CNTNAP5: variants seen among roughly 807,000 people sequenced by gnomAD.
CNTNAP5 encodes the protein contactin-associated protein-like 5.
A neutral mutation model predicts 150.2 loss-of-function variants in CNTNAP5; 72 were observed. The observed-to-expected ratio is 0.48, with a 90% confidence interval of 0.40 to 0.58. CNTNAP5 has a LOEUF of 0.58. Ranked by LOEUF, CNTNAP5 falls within the 20% of genes least tolerant of loss-of-function variation. The probability of loss-of-function intolerance (pLI) is 0.00; values close to 1 mark genes in which losing one functional copy is unlikely to be tolerated. For synonymous variants in CNTNAP5, 672 were observed against 619.8 expected (o/e 1.08, Z -1.25); for missense variants, 1,636 against 1,626.2 (o/e 1.01, Z -0.10).
chr2:124,051,186 T>C (rs1035991221), intron 1 of CNTNAP5, among the ~76,000 whole-genome samples: 1 of 150,274 alleles, frequency 6.7e-6, no homozygotes, highest in Non-Finnish European at 1.5e-5. Context: ...TAGTTTTCTT[T>C]CCATCTCTTT....
chr2:124,297,305 T>A (rs1688458964), intron 3 of CNTNAP5, among the ~76,000 whole-genome samples: 1 of 152,220 alleles, frequency 6.6e-6, no homozygotes. Context: ...TCGGAAGTTT[T>A]GACTTCCGTC....
intron 19 of CNTNAP5, among the ~76,000 whole-genome samples, chr2:124,801,460 T>G (rs1681963960): frequency 6.6e-6 from 1 of 152,186 alleles, no homozygotes; most frequent in African/African-American, 2.4e-5. Flanking sequence ...CCTTGAGTGG[T>G]AGTGAATTCT....
intron 3 of CNTNAP5, among the ~76,000 whole-genome samples, chr2:124,400,674 T>G (rs1691390039): frequency 1.1e-5 from 1 of 91,458 alleles, no homozygotes; most frequent in Non-Finnish European, 2.9e-5. Flanking sequence ...GCATTGTTTT[T>G]TTTTTTTTTT....
chr2:124,350,503 C>T (rs1438346989), intron 3 of CNTNAP5, among the ~76,000 whole-genome samples: 1 of 151,234 alleles, frequency 6.6e-6, no homozygotes, highest in African/African-American at 2.4e-5. Context: ...TACGCCTTCA[C>T]ATTCGTACTA....
intron 1 of CNTNAP5, among the ~76,000 whole-genome samples, chr2:124,043,964 C>G (rs1185898337): frequency 1.3e-5 from 2 of 152,142 alleles, no homozygotes. Context: ...CCCCATGGGC[C>G]AGTTCTTGTC....
intron 1 of CNTNAP5, among the ~76,000 whole-genome samples, chr2:124,213,074 G>T (rs903465330): frequency 2.0e-5 from 3 of 151,926 alleles, no homozygotes; most frequent in African/African-American, 7.3e-5. Context: ...TCCCAACCTC[G>T]TGATCCGCCT....
chr2:124,221,728 T>A lies in CNTNAP5; in HGVS notation c.106T>A (p.Ser36Thr), dbSNP rs1282646432. The part of the protein sequence containing the change: ...TNYNCDDPLA[S>T]LLSPMAFSSS... ...AGACAACTGTGATGATCCACTAGCA[T>A]CCCTGCTCTCTCCAATGGCTTTTTC... is the stretch of plus-strand genomic sequence containing the variant. Residue 36 changes from serine (S) to threonine (T), a missense_variant, in exon 2 of 24, where the codon TCC (serine) becomes ACC (threonine). Transcript: ENST00000682447. 6.2e-7 allele frequency: 1 copy of A among 1,611,146 alleles called. No homozygotes were observed. Among genetic ancestry groups the A allele is most frequent in the Non-Finnish European group, 8.5e-7 (1 of 1,178,366 alleles).
At chr2:124,297,270 G>A (rs1276939109) in intron 3 of CNTNAP5, among the ~76,000 whole-genome samples, 1 of 152,134 alleles carries the variant, frequency 6.6e-6, no homozygotes, top group East Asian at 1.9e-4. Flanking sequence ...GGTTCTCCGT[G>A]CCGGTAACCA....
At position 124,410,860 on chromosome 2, in the gene CNTNAP5, G is replaced by A. The variant is rs866053007; in HGVS notation, c.382-6583G>A. 9.6e-3 allele frequency among the ~76,000 whole-genome samples: 1,444 copies of A among 149,870 alleles called. 14 individuals are homozygous for A. Among genetic ancestry groups the A allele is most frequent in the Middle Eastern group, 0.024 (7 of 288 alleles). On this transcript the variant is annotated intron_variant, in intron 3 of 23. Transcript: ENST00000682447. ...CAAACACATTCAAAAGCTAGCAGAAGGCAAGAAATAACTAAAATCAGAGCA... is the reference window on the plus strand; with the variant it reads ...CAAACACATTCAAAAGCTAGCAGAAAGCAAGAAATAACTAAAATCAGAGCA...
chr2:124,038,917 C>G (rs1681293072), intron 1 of CNTNAP5, among the ~76,000 whole-genome samples: 1 of 152,240 alleles, frequency 6.6e-6, no homozygotes, highest in African/African-American at 2.4e-5. Flanking sequence ...CAGAGCCACA[C>G]TGGGTGTGCC....
chr2:124,904,791 C>T (rs894809204), intron 22 of CNTNAP5, among the ~76,000 whole-genome samples: 4 of 151,762 alleles, frequency 2.6e-5, no homozygotes, highest in African/African-American at 9.7e-5. Flanking sequence ...AACATAAGGA[C>T]AGATCTCCTT....
At chr2:124,725,755 C>CTCTCTGCT (rs775845131) in intron 13 of CNTNAP5, among the ~76,000 whole-genome samples, 45 of 152,092 alleles carry the variant, frequency 3.0e-4, no homozygotes, top group Non-Finnish European at 5.4e-4. Context: ...TACCATTCTA[C>CTCTCTGCT]TCTCTGCTTC....
intron 7 of CNTNAP5, among the ~76,000 whole-genome samples, chr2:124,498,391 G>T (rs543485194): frequency 2.0e-5 from 3 of 152,278 alleles, no homozygotes; most frequent in South Asian, 4.1e-4. Flanking sequence ...TTTCTGGGGA[G>T]GGGGAGGGAA....
intron 1 of CNTNAP5, among the ~76,000 whole-genome samples, chr2:124,053,510 A>G (rs1006839012): frequency 6.6e-6 from 1 of 152,228 alleles, no homozygotes; most frequent in Admixed American, 6.5e-5. Flanking sequence ...CCTGGCTTAA[A>G]TTGGAGTTTT....
At chr2:124,033,683 G>T (rs1681125862) in intron 1 of CNTNAP5, among the ~76,000 whole-genome samples, 1 of 82 alleles carries the variant, frequency 0.012, no homozygotes, top group Middle Eastern at 0.5. Flanking sequence ...CCAGACATGG[G>T]CCTGGTGCCA....
intron 13 of CNTNAP5, among the ~76,000 whole-genome samples, chr2:124,711,959 C>T (rs1163557107): frequency 1.3e-5 from 2 of 152,156 alleles, no homozygotes; most frequent in Admixed American, 1.3e-4. Context: ...ACCCTAGACA[C>T]GTGCAGAAGA....
At chr2:124,126,135 T>G (rs984141459) in intron 1 of CNTNAP5, among the ~76,000 whole-genome samples, 1 of 152,112 alleles carries the variant, frequency 6.6e-6, no homozygotes, top group Non-Finnish European at 1.5e-5. Context: ...AGCTGGTTTT[T>G]TGAAAAGATC....
chr2:124,780,938 A>G (rs985160525), intron 17 of CNTNAP5, among the ~76,000 whole-genome samples: 3 of 152,206 alleles, frequency 2.0e-5, no homozygotes, highest in Non-Finnish European at 4.4e-5. Flanking sequence ...AGCAGAATTT[A>G]TTCTTCATTC....
intron 11 of CNTNAP5, among the ~76,000 whole-genome samples, chr2:124,592,184 T>C (rs551749531): frequency 8.5e-5 from 13 of 152,262 alleles, no homozygotes; most frequent in South Asian, 6.2e-4. Flanking sequence ...TAAAAAAATA[T>C]GGAAACATCT....
Sources: gnomAD v4.1 joint callset for allele counts (sites outside exome capture counted in the v4.1 genomes callset) on GRCh38, gnomAD v4.1.1 for gene constraint, MANE v1.5 for transcripts, NCBI Gene and HGNC (gene_info 2026-07-23, HGNC 2026-07-21) for gene names.